CNTN3: variants seen among roughly 807,000 people sequenced by gnomAD.
The protein encoded by CNTN3 is contactin-3.
A neutral mutation model predicts 119.1 loss-of-function variants in CNTN3; 60 were observed. That is an observed-to-expected ratio of 0.50 (90% CI 0.41 to 0.62). CNTN3 has a LOEUF of 0.62. CNTN3 is among the 20% of genes least tolerant of loss of function. CNTN3 has a pLI of 0.00. For missense variants in CNTN3, 1,101 were observed against 1,242.4 expected, an observed-to-expected ratio of 0.89 and a Z score of 1.71; for synonymous variants, 450 against 438.7, an observed-to-expected ratio of 1.03 and a Z score of -0.32.
At position 74,268,565 on chromosome 3, in the gene CNTN3, T is replaced by C. The variant is rs150508624; in HGVS notation, c.2705-1187A>G. 4.6e-5 allele frequency among the ~76,000 whole-genome samples: 7 copies of C among 152,314 alleles called. No homozygotes were observed. The East Asian group carries it at 1.3e-3, about 29-fold the overall frequency. ...TTCCCTGTGGATTTCTTTTGCTTTT[T>C]GTCTCTTTTAACACTATTCTATGTT... On this transcript the variant is annotated intron_variant, in intron 20 of 22. Transcript: ENST00000263665.
At chr3:74,298,889 G>GAAAA (rs78585763) in intron 17 of CNTN3, among the ~76,000 whole-genome samples, 13 of 55,794 alleles carry the variant, frequency 2.3e-4, no homozygotes, top group African/African-American at 5.8e-4. Flanking sequence ...CTCCATCAAG[G>GAAAA]AAAAAAAAAA....
chr3:74,346,716 A>G (rs1047670537), intron 11 of CNTN3, among the ~76,000 whole-genome samples: 6 of 151,328 alleles, frequency 4.0e-5, no homozygotes, highest in Non-Finnish European at 8.8e-5. Flanking sequence ...ACGGCACTTC[A>G]CTCGACATCT....
At chr3:74,481,494 C>T (rs1702762940) in intron 4 of CNTN3, among the ~76,000 whole-genome samples, 1 of 151,714 alleles carries the variant, frequency 6.6e-6, no homozygotes, top group African/African-American at 2.4e-5. Flanking sequence ...ATACATGTCA[C>T]GTCTGATAAC....
intron 1 of CNTN3, among the ~76,000 whole-genome samples, chr3:74,606,803 A>T (rs1218561364): frequency 6.6e-6 from 1 of 152,160 alleles, no homozygotes; most frequent in Non-Finnish European, 1.5e-5. Context: ...AACGAAACCC[A>T]TATATTAAGA....
chr3:74,546,775 C>T lies in CNTN3; in HGVS notation c.-80-25583G>A, dbSNP rs532533985. 7.2e-5 allele frequency among the ~76,000 whole-genome samples: 11 copies of T among 152,278 alleles called. No homozygotes were observed. In the South Asian group the frequency reaches 1.5e-3, roughly 20 times the overall value. On this transcript the variant is annotated intron_variant, in intron 1 of 22. Coordinates refer to ENST00000263665, the MANE Select transcript of CNTN3 (RefSeq NM_020872.3). The stretch of plus-strand genomic sequence containing the variant: ...GCCAACAGCCTATTGTGGGACTTCA[C>T]TTTGTGATTGTGTGAGTCAATACTG...
intron 1 of CNTN3, among the ~76,000 whole-genome samples, chr3:74,601,053 A>G (rs1704901159): frequency 1.3e-5 from 2 of 150,110 alleles, no homozygotes; most frequent in African/African-American, 4.9e-5. Flanking sequence ...ATATATTTAC[A>G]TATATAATAT....
chr3:74,316,487 AC>A (rs780241364), intron 13 of CNTN3, among the ~76,000 whole-genome samples: 2 of 152,192 alleles, frequency 1.3e-5, no homozygotes, highest in Non-Finnish European at 2.9e-5. Flanking sequence ...ATTACTAGGT[AC>A]ATAACCAGAG....
At chr3:74,587,667 C>A (rs1704618408) in intron 1 of CNTN3, among the ~76,000 whole-genome samples, 1 of 152,048 alleles carries the variant, frequency 6.6e-6, no homozygotes, top group Non-Finnish European at 1.5e-5. Context: ...CATCGTAAAA[C>A]TCCAGGACTT....
At chr3:74,596,877 A>C (rs1704822061) in intron 1 of CNTN3, among the ~76,000 whole-genome samples, 1 of 152,090 alleles carries the variant, frequency 6.6e-6, no homozygotes, top group South Asian at 2.1e-4. Flanking sequence ...AGAGGCAGAG[A>C]TCCAACATCT....
chr3:74,517,769 C>T (rs1703474555), intron 2 of CNTN3, among the ~76,000 whole-genome samples: 1 of 151,802 alleles, frequency 6.6e-6, no homozygotes, highest in African/African-American at 2.4e-5. Context: ...TTCCAGCCTG[C>T]CCCTTTCATT....
chr3:74,588,736 T>A (rs1704644221), intron 1 of CNTN3, among the ~76,000 whole-genome samples: 1 of 152,256 alleles, frequency 6.6e-6, no homozygotes, highest in East Asian at 1.9e-4. Flanking sequence ...CAAAACAGCA[T>A]GGTACTGGTA....
chr3:74,324,058 A>G (rs1381443024), intron 13 of CNTN3, among the ~76,000 whole-genome samples: 1 of 152,172 alleles, frequency 6.6e-6, no homozygotes. Flanking sequence ...ATGCTGGTAT[A>G]TACACAAATA....
chr3:74,321,473 C>A (rs561308568), intron 13 of CNTN3, among the ~76,000 whole-genome samples: 17 of 151,868 alleles, frequency 1.1e-4, no homozygotes, highest in African/African-American at 3.1e-4. Context: ...GGAGCCAAAA[C>A]CAATAATCTA....
intron 16 of CNTN3, 125 bp from the exon 17 acceptor site, chr3:74,300,063 G>T: frequency 2.0e-6 from 1 of 498,278 alleles, no homozygotes; most frequent in Non-Finnish European, 3.4e-6. Flanking sequence ...TCATACATAT[G>T]GGTGTTTATG....
chr3:74,289,076 T>G (rs1280641585), intron 19 of CNTN3, among the ~76,000 whole-genome samples: 1 of 152,204 alleles, frequency 6.6e-6, no homozygotes, highest in African/African-American at 2.4e-5. Flanking sequence ...CTGGGGAAAC[T>G]GCAACCCAGA....
rs770805534 is a variant in CNTN3, at chr3:74,336,525, A to T, written c.1492+6T>A. 1.9e-6 allele frequency: 3 copies of T among 1,610,988 alleles called. No individual in the cohort carries two copies. The Admixed American group carries it at 5.0e-5, about 27-fold the overall frequency. On this transcript the variant is annotated splice_donor_region_variant and intron_variant, in intron 12 of 22. Coordinates refer to ENST00000263665, the MANE Select transcript of CNTN3 (RefSeq NM_020872.3). ...ATGTAAAGCAATATTTTAGAAATGG[A>T]CCTACCCGTAACAACCAAATGTGTT...
chr3:74,350,902 A>T (rs575271533), intron 11 of CNTN3, among the ~76,000 whole-genome samples: 1 of 152,144 alleles, frequency 6.6e-6, no homozygotes, highest in Non-Finnish European at 1.5e-5. Flanking sequence ...ATATGGAAAC[A>T]ACAGACTTTG....
chr3:74,377,341 G>A (rs1427835291), intron 5 of CNTN3, among the ~76,000 whole-genome samples: 1 of 151,930 alleles, frequency 6.6e-6, no homozygotes, highest in African/African-American at 2.4e-5. Flanking sequence ...AAATATTTGA[G>A]AATAATGTGA....
intron 3 of CNTN3, among the ~76,000 whole-genome samples, chr3:74,488,058 A>G (rs1179517607): frequency 1.3e-5 from 2 of 150,320 alleles, no homozygotes; most frequent in Non-Finnish European, 3.0e-5. Context: ...TCAATATTAC[A>G]TAATTATTAA....
Sources: allele counts gnomAD v4.1 joint callset (sites outside exome capture counted in the v4.1 genomes callset), GRCh38; gene constraint gnomAD v4.1.1; transcripts MANE v1.5; gene names NCBI Gene and HGNC (gene_info 2026-07-23, HGNC 2026-07-21).